The following ADAMTSL1 variants were observed in gnomAD, a reference collection of about 807,000 sequenced individuals.
ADAMTSL1 encodes the protein ADAMTS like 1, also known as ADAMTS-like protein 1.
ADAMTSL1 carries 126 observed loss-of-function variants against 201.8 expected under a neutral mutation model. That is an observed-to-expected ratio of 0.62 (90% CI 0.54 to 0.72). The LOEUF (loss-of-function observed/expected upper bound fraction) is 0.72, where lower values mean the gene tolerates loss of function less well. Among genes scored for constraint, ADAMTSL1 ranks in the 30% least tolerant of loss-of-function variants. The pLI is 0.00. For synonymous variants in ADAMTSL1, 1,121 were observed against 903.4 expected (o/e 1.24, Z -4.32); for missense variants, 2,679 against 2,277.8 (o/e 1.18, Z -3.59).
At chr9:18,479,978 C>G (rs1185050383) in intron 1 of ADAMTSL1, among the ~76,000 whole-genome samples, 2 of 152,130 alleles carry the variant, frequency 1.3e-5, no homozygotes, top group Non-Finnish European at 2.9e-5. Context: ...TATACGTAGC[C>G]ACACACTGAA....
intron 1 of ADAMTSL1, among the ~76,000 whole-genome samples, chr9:18,057,184 G>T (rs994665489): frequency 6.6e-6 from 1 of 152,126 alleles, no homozygotes; most frequent in Admixed American, 6.5e-5. Context: ...AGAGACCACA[G>T]ACTTTGCATT....
chr9:18,312,595 C>G (rs768456147), intron 2 of ADAMTSL1, among the ~76,000 whole-genome samples: 2 of 152,154 alleles, frequency 1.3e-5, no homozygotes, highest in African/African-American at 2.4e-5. Flanking sequence ...GACGTTCCCA[C>G]TGGGTATTTT....
chr9:18,352,063 CT>C (rs899574187), intron 2 of ADAMTSL1, among the ~76,000 whole-genome samples: 20 of 148,588 alleles, frequency 1.3e-4, no homozygotes, highest in Non-Finnish European at 2.2e-4. Flanking sequence ...GTTTAACAAA[CT>C]TTTTTTTTTA....
intron 2 of ADAMTSL1, among the ~76,000 whole-genome samples, chr9:18,288,170 A>G (rs73643219): frequency 0.061 from 9,341 of 152,136 alleles, 966 homozygotes; most frequent in African/African-American, 0.21. Context: ...CATTCAGTCG[A>G]CAATCTTGGA....
At chr9:18,440,693 G>A (rs1563962777) in intron 2 of ADAMTSL1, among the ~76,000 whole-genome samples, 1 of 151,310 alleles carries the variant, frequency 6.6e-6, no homozygotes. Flanking sequence ...ATTTTAATAT[G>A]ATGCATCATT....
At chr9:17,961,577 G>A (rs1236507934) in intron 1 of ADAMTSL1, among the ~76,000 whole-genome samples, 1 of 152,108 alleles carries the variant, frequency 6.6e-6, no homozygotes, top group African/African-American at 2.4e-5. Context: ...GATGAAAGGT[G>A]GTGGTGAGGT....
chr9:18,603,393 ATG>A (rs1564082578), intron 4 of ADAMTSL1, among the ~76,000 whole-genome samples: 3 of 130,270 alleles, frequency 2.3e-5, no homozygotes, highest in African/African-American at 1.1e-4. Flanking sequence ...ATGCTATGCT[ATG>A]CTATGCTATG....
intron 15 of ADAMTSL1, among the ~76,000 whole-genome samples, chr9:18,747,557 G>T (rs953883055): frequency 6.6e-6 from 1 of 152,042 alleles, no homozygotes; most frequent in Non-Finnish European, 1.5e-5. Context: ...AATTCTCCAG[G>T]CCTCAGCTCC....
At chr9:18,335,269 G>T (rs1166644594) in intron 2 of ADAMTSL1, among the ~76,000 whole-genome samples, 9 of 152,060 alleles carry the variant, frequency 5.9e-5, no homozygotes. Flanking sequence ...GCAGCAGGTG[G>T]AAAATATTCT....
At chr9:18,128,766 T>C (rs1042271802) in intron 1 of ADAMTSL1, among the ~76,000 whole-genome samples, 3 of 152,120 alleles carry the variant, frequency 2.0e-5, no homozygotes, top group African/African-American at 4.8e-5. Flanking sequence ...CTCTTCCCCA[T>C]ATTGTTCCAG....
chr9:18,902,838 GA>G (rs996761425), intron 26 of ADAMTSL1, among the ~76,000 whole-genome samples: 27 of 152,004 alleles, frequency 1.8e-4, no homozygotes, highest in Middle Eastern at 3.4e-3. Flanking sequence ...CATTGGCAAA[GA>G]AAAAAAGAGA....
At chr9:18,146,990 G>T (rs950538416) in intron 1 of ADAMTSL1, among the ~76,000 whole-genome samples, 31 of 151,930 alleles carry the variant, frequency 2.0e-4, no homozygotes, top group Admixed American at 4.6e-4. Context: ...CTCTTTGAAG[G>T]CATGGATCTT....
At chr9:18,620,800 A>C (rs1017124596) in intron 4 of ADAMTSL1, among the ~76,000 whole-genome samples, 2 of 152,128 alleles carry the variant, frequency 1.3e-5, no homozygotes, top group Non-Finnish European at 2.9e-5. Context: ...ACATCTTTGC[A>C]TTTAAAAAAA....
intron 1 of ADAMTSL1, among the ~76,000 whole-genome samples, chr9:18,072,788 T>C (rs1446364409): frequency 6.6e-6 from 1 of 152,328 alleles, no homozygotes; most frequent in South Asian, 2.1e-4. Flanking sequence ...CGGAGGGCGA[T>C]GAAGAATAGT....
chr9:18,094,504 A>G (rs1422827862), intron 1 of ADAMTSL1, among the ~76,000 whole-genome samples: 1 of 152,184 alleles, frequency 6.6e-6, no homozygotes, highest in Admixed American at 6.5e-5. Context: ...CATTTTGTGT[A>G]TGGCATCTGT....
At position 18,106,568 on chromosome 9, in the gene ADAMTSL1, T is replaced by C. The variant is rs528903162; in HGVS notation, c.88-57294T>C. On this transcript the variant is annotated intron_variant, in intron 1 of 29. Coordinates refer to the ADAMTSL1 transcript ENST00000680146. ...AAAGACAGCCCGAGTTTAAGATCTC[T>C]GTCTATCTGGCTTTAAACTAGAGCC... Among the ~76,000 whole-genome samples the C allele has an allele frequency of 9.2e-5, 14 of 152,330 alleles. No homozygotes were observed. The East Asian group carries it at 2.7e-3, about 29-fold the overall frequency.
intron 4 of ADAMTSL1, among the ~76,000 whole-genome samples, chr9:18,620,022 T>TC (rs1825936575): frequency 8.1e-6 from 1 of 122,940 alleles, no homozygotes; most frequent in East Asian, 1.9e-4. Context: ...CTGATTTTTT[T>TC]TTTTTTTTTT....
At chr9:18,172,767 TATATAAATAAATAAC>T (rs1827959604) in intron 2 of ADAMTSL1, among the ~76,000 whole-genome samples, 1 of 151,902 alleles carries the variant, frequency 6.6e-6, no homozygotes, top group Non-Finnish European at 1.5e-5. Flanking sequence ...CAATAAACAC[TATATAAATAAATAAC>T]ACATCTACAT....
rs191241139 is a variant in ADAMTSL1, at chr9:18,805,514, C to T, written c.3805+9990C>T. Among the ~76,000 whole-genome samples the T allele has an allele frequency of 9.8e-5, 15 of 152,314 alleles. No homozygotes were observed. The East Asian group carries it at 2.5e-3, about 25-fold the overall frequency. On this transcript the variant is annotated intron_variant, in intron 20 of 28. Coordinates refer to ENST00000380548, the MANE Select transcript of ADAMTSL1 (RefSeq NM_001040272.6). ...ATTCAAACTTCCTGCTGTGCTAAGC[C>T]GTTGTTCTTACAGCTTTGCATGCAT... is the stretch of plus-strand genomic sequence containing the variant.
Sources: gnomAD v4.1 joint callset for allele counts (sites outside exome capture counted in the v4.1 genomes callset) on GRCh38, gnomAD v4.1.1 for gene constraint, MANE v1.5 for transcripts, NCBI Gene and HGNC (gene_info 2026-07-23, HGNC 2026-07-21) for gene names.